Variants in CAPN13 observed in about 807,000 individuals in gnomAD.
CAPN13 encodes calpain 13.
CAPN13 carries 90 observed loss-of-function variants against 98.4 expected under a neutral mutation model. The observed-to-expected ratio is 0.92, with a 90% CI of 0.77 to 1.09. The LOEUF is 1.09. Ranked by LOEUF, CAPN13 falls within the 50% of genes least tolerant of loss-of-function variation. The pLI, the probability that CAPN13 is intolerant of heterozygous loss-of-function variation, is 0.00. For missense variants in CAPN13, 887 were observed against 841.3 expected, an observed-to-expected ratio of 1.05 and a Z score of -0.67; for synonymous variants, 330 against 305.5, an observed-to-expected ratio of 1.08 and a Z score of -0.84.
chr2:30,786,366 C>G (rs1394386306), intron 2 of CAPN13, among the ~76,000 whole-genome samples: 1 of 152,100 alleles, frequency 6.6e-6, no homozygotes, highest in African/African-American at 2.4e-5. Context: ...TGGTCCTTAT[C>G]CGGGTGCTTT....
chr2:30,758,837 CTTCTT>C (rs1672628851), intron 7 of CAPN13, among the ~76,000 whole-genome samples: 1 of 129,046 alleles, frequency 7.7e-6, no homozygotes, highest in Admixed American at 8.3e-5. Context: ...TCCTCCCTTC[CTTCTT>C]TCCCTTTCTC....
At chr2:30,792,675 AGAG>A (rs1558344744) in intron 1 of CAPN13, among the ~76,000 whole-genome samples, 1 of 152,056 alleles carries the variant, frequency 6.6e-6, no homozygotes, top group African/African-American at 2.4e-5. Context: ...CTCAAAAAAT[AGAG>A]GAGAAGGGAA....
chr2:30,758,815 T>TTCCTTCCTCCCTCCCTTCCCTC (rs1289733398), intron 7 of CAPN13, among the ~76,000 whole-genome samples: 1 of 75,482 alleles, frequency 1.3e-5, no homozygotes, highest in Non-Finnish European at 2.4e-5. Context: ...TCCCTTCCCT[T>TTCCTTCCTCCCTCCCTTCCCTC]CCTCCCTTCC....
At chr2:30,763,335 C>T (rs1414541301) in intron 6 of CAPN13, among the ~76,000 whole-genome samples, 179 bp from the exon 7 acceptor site, 1 of 152,238 alleles carries the variant, frequency 6.6e-6, no homozygotes, top group Non-Finnish European at 1.5e-5. Context: ...GTGTCTGAGG[C>T]CCCAGGGATT....
At chr2:30,746,856 G>A (rs1671940516) in intron 11 of CAPN13, among the ~76,000 whole-genome samples, 1 of 152,198 alleles carries the variant, frequency 6.6e-6, no homozygotes, top group African/African-American at 2.4e-5. Context: ...GGAGGTGTCT[G>A]AGAGGAGGAG....
chr2:30,799,698 A>C (rs1675075007), intron 1 of CAPN13, among the ~76,000 whole-genome samples: 1 of 152,128 alleles, frequency 6.6e-6, no homozygotes, highest in African/African-American at 2.4e-5. Context: ...TCATCCTCTG[A>C]GATAACCTCT....
intron 5 of CAPN13, among the ~76,000 whole-genome samples, chr2:30,764,926 A>G (rs1447252424): frequency 2.6e-5 from 4 of 151,880 alleles, no homozygotes; most frequent in Admixed American, 1.3e-4. Flanking sequence ...AGAGTTACCC[A>G]CTCGCCCCCA....
intron 1 of CAPN13, among the ~76,000 whole-genome samples, chr2:30,792,205 A>G (rs953892223): frequency 2.0e-5 from 3 of 152,192 alleles, no homozygotes; most frequent in East Asian, 1.9e-4. Flanking sequence ...AAAACAGAAG[A>G]CGGATAAGAG....
intron 22 of CAPN13, chr2:30,729,576 C>T (rs1670987851): frequency 1.3e-5 from 2 of 152,094 alleles, no homozygotes; most frequent in Admixed American, 1.3e-4. Flanking sequence ...TGAAAATAAT[C>T]AAATGTTCTG....
At chr2:30,759,525 G>A (rs190704316) in intron 7 of CAPN13, among the ~76,000 whole-genome samples, 251 of 152,318 alleles carry the variant, frequency 1.6e-3, no homozygotes, top group African/African-American at 5.8e-3. Context: ...TGAGGAAAGG[G>A]GCGAACTTGC....
chr2:30,786,343 A>G (rs1400332856), intron 2 of CAPN13, among the ~76,000 whole-genome samples: 1 of 152,184 alleles, frequency 6.6e-6, no homozygotes, highest in Non-Finnish European at 1.5e-5. Context: ...TTTGGGCAAA[A>G]GGGTCCTTAG....
chr2:30,756,046 G>T (rs1337021493), intron 8 of CAPN13, among the ~76,000 whole-genome samples: 3 of 152,096 alleles, frequency 2.0e-5, no homozygotes, highest in Non-Finnish European at 2.9e-5. Flanking sequence ...CTGGTGCAAA[G>T]TGGCGACCCT....
intron 11 of CAPN13, among the ~76,000 whole-genome samples, chr2:30,750,357 C>T (rs546987): frequency 0.57 from 87,221 of 151,876 alleles, 26,164 homozygotes; most frequent in South Asian, 0.69. Flanking sequence ...CTACTGGGTA[C>T]TGAGCTTAAT....
intron 19 of CAPN13, among the ~76,000 whole-genome samples, chr2:30,733,603 C>T (rs1371734777): frequency 6.6e-6 from 1 of 152,002 alleles, no homozygotes; most frequent in African/African-American, 2.4e-5. Flanking sequence ...ATCAGAGGTG[C>T]AGCAATCTGT....
chr2:30,764,372 T>C, intron 5 of CAPN13, 66 bp from the exon 6 acceptor site: 3 of 1,542,032 alleles, frequency 1.9e-6, no homozygotes, highest in Non-Finnish European at 2.7e-6. Flanking sequence ...GGGGAGCTTG[T>C]GCACTGATCC....
intron 7 of CAPN13, among the ~76,000 whole-genome samples, chr2:30,759,706 G>A (rs1005935584): frequency 1.3e-5 from 2 of 152,202 alleles, no homozygotes; most frequent in East Asian, 1.9e-4. Flanking sequence ...CTGAGACAGC[G>A]GCGGAGGCAG....
Position 30,802,770 on chromosome 2 carries a change from C to T in CAPN13, c.-33+4532G>A, listed in dbSNP as rs548062973. Among the ~76,000 whole-genome samples, 7 of 152,250 alleles carry T rather than the reference C, an allele frequency of 4.6e-5. No homozygotes were observed. The South Asian group carries it at 1.5e-3, about 32-fold the overall frequency. Reference sequence around the variant, plus strand: ...AGGACAGGACCTGGGGCAGGGGGTACAGGCCTGGGAGCCTCTGCCTGAAAA... The same window carrying T: ...AGGACAGGACCTGGGGCAGGGGGTATAGGCCTGGGAGCCTCTGCCTGAAAA... On this transcript the variant is annotated intron_variant, in intron 1 of 22. Transcript: ENST00000295055.
At chr2:30,778,491 T>A (rs950118909) in intron 2 of CAPN13, among the ~76,000 whole-genome samples, 6 of 152,228 alleles carry the variant, frequency 3.9e-5, no homozygotes, top group African/African-American at 1.4e-4. Context: ...CAGCTCTTCC[T>A]GGATTTGCAT....
At chr2:30,787,763 G>A (rs1169562707) in intron 1 of CAPN13, among the ~76,000 whole-genome samples, 1 of 152,164 alleles carries the variant, frequency 6.6e-6, no homozygotes, top group Admixed American at 6.5e-5. Flanking sequence ...TTGTGGGATG[G>A]GGGCAGAGAG....
Sources: allele counts gnomAD v4.1 joint callset (sites outside exome capture counted in the v4.1 genomes callset), GRCh38; gene constraint gnomAD v4.1.1; transcripts MANE v1.5; gene names NCBI Gene and HGNC (gene_info 2026-07-23, HGNC 2026-07-21).